Variants in CPNE4 observed in about 807,000 individuals in gnomAD.
CPNE4 encodes copine-4.
Under a neutral mutation model 67.9 loss-of-function variants are expected in CPNE4, and 25 were observed. The observed-to-expected ratio is 0.37, with a 90% confidence interval of 0.27 to 0.51. The LOEUF is 0.51. Among genes scored for constraint, CPNE4 ranks in the 20% least tolerant of loss-of-function variants. The pLI is 0.93. For missense variants in CPNE4, 464 were observed against 690.8 expected (o/e 0.67, Z 3.68); for synonymous variants, 242 against 244.9 (o/e 0.99, Z 0.11).
rs149583179 is a variant in CPNE4, at chr3:131,961,236, A to G, written c.-1-55792T>C. 4.9e-3 allele frequency among the ~76,000 whole-genome samples: 747 copies of G among 152,304 alleles called. 3 individuals carry two copies. The highest frequency in any genetic ancestry group is 0.017 in the African/African-American group (724 of 41,556). ...CTCATAGAATGAGTTTTTTTCCTTA[A>G]GAAATCATTTCCTTAAATGTTTCCT... is the stretch of plus-strand genomic sequence containing the variant. On this transcript the variant is annotated intron_variant, in intron 1 of 15. Transcript: ENST00000429747.
intron 2 of CPNE4, among the ~76,000 whole-genome samples, chr3:131,739,884 G>A (rs79102246): frequency 0.017 from 2,608 of 152,228 alleles, 62 homozygotes; most frequent in East Asian, 0.07. Context: ...TTTATTTGTT[G>A]TATTTTGTTT....
intron 1 of CPNE4, among the ~76,000 whole-genome samples, chr3:131,907,200 G>A (rs922629081): frequency 5.9e-5 from 9 of 152,236 alleles, no homozygotes; most frequent in African/African-American, 1.4e-4. Context: ...CTCTGAAGAC[G>A]ACTGAACGTA....
intron 7 of CPNE4, among the ~76,000 whole-genome samples, chr3:131,633,899 G>C (rs1177170324): frequency 6.6e-6 from 1 of 152,088 alleles, no homozygotes; most frequent in African/African-American, 2.4e-5. Flanking sequence ...TGTAAAGGCT[G>C]AAGAGGATTA....
chr3:131,679,320 CT>C (rs1308569346), intron 6 of CPNE4, among the ~76,000 whole-genome samples: 1 of 151,694 alleles, frequency 6.6e-6, no homozygotes, highest in Non-Finnish European at 1.5e-5. Flanking sequence ...AATCTTCTCC[CT>C]TTTCTTCTTT....
chr3:131,806,563 A>G (rs576157957), intron 2 of CPNE4, among the ~76,000 whole-genome samples: 1 of 152,116 alleles, frequency 6.6e-6, no homozygotes, highest in Admixed American at 6.5e-5. Context: ...AAAAAAAAAA[A>G]AAAAAAGAAA....
chr3:131,924,575 C>T (rs1398176761), intron 1 of CPNE4, among the ~76,000 whole-genome samples: 2 of 152,024 alleles, frequency 1.3e-5, no homozygotes, highest in African/African-American at 2.4e-5. Context: ...CTCAGATATT[C>T]TAATTTAAAT....
chr3:131,954,760 C>T (rs1320161698), intron 1 of CPNE4, among the ~76,000 whole-genome samples: 5 of 152,000 alleles, frequency 3.3e-5, no homozygotes, highest in Non-Finnish European at 7.4e-5. Flanking sequence ...GTTTTCTGTC[C>T]TTGTGATAGT....
At position 131,856,717 on chromosome 3, in the gene CPNE4, A is replaced by T. The variant is rs187261041; in HGVS notation, c.180+48547T>A. Among the ~76,000 whole-genome samples the T allele has an allele frequency of 5.4e-3, 825 of 152,114 alleles. 3 individuals are homozygous for T. The highest frequency in any genetic ancestry group is 9.2e-3 in the Non-Finnish European group (626 of 67,910). On this transcript the variant is annotated intron_variant, in intron 2 of 15. Transcript: ENST00000429747. Reference sequence around the variant, plus strand: ...TGATCCTTCCTGGCTAACAATAAAAATTATTAATATTTATTGAATGCTTAC... The same window carrying T: ...TGATCCTTCCTGGCTAACAATAAAATTTATTAATATTTATTGAATGCTTAC...
intron 2 of CPNE4, among the ~76,000 whole-genome samples, chr3:131,894,513 C>G (rs767082240): frequency 2.0e-5 from 3 of 151,566 alleles, no homozygotes; most frequent in Non-Finnish European, 4.4e-5. Flanking sequence ...ATATAAGGAA[C>G]TTAACATTAA....
intron 1 of CPNE4, among the ~76,000 whole-genome samples, chr3:132,020,493 G>A (rs2073970604): frequency 1.3e-5 from 2 of 152,168 alleles, no homozygotes; most frequent in African/African-American, 4.8e-5. Flanking sequence ...GGGGACTGTG[G>A]GAACTCCAGT....
rs1935041768 is a variant in CPNE4, at chr3:131,534,761, T to C, written c.*434A>G. 1 of 153,274 alleles carries C rather than the reference T, an allele frequency of 6.5e-6. No individual in the cohort carries two copies. Among genetic ancestry groups the C allele is most frequent in the Non-Finnish European group, 1.5e-5 (1 of 68,618 alleles). 9.5% of individuals were successfully genotyped at this position (153,274 alleles called of 1,614,324 possible). A position where few individuals can be genotyped will look rare whatever the true frequency, so the allele number is the denominator to read the frequency against. On this transcript the variant is annotated 3_prime_UTR_variant, in exon 16 of 16. Transcript: ENST00000429747. ...TTTTAAACATGCAAAATACAGTCCA[T>C]GCATCTGCCATTTTAAAAAGTCTCT...
rs1936944148 is a variant in CPNE4, at chr3:131,564,291, T to C, written c.986A>G (p.Tyr329Cys). Residue 329 changes from tyrosine (Y) to cysteine (C), a missense_variant, in exon 11 of 16, where the codon TAC (tyrosine) becomes TGC (cysteine). Physicochemically the swap from Tyr to Cys is radical, Grantham distance 194 (BLOSUM62 -2). Around this residue, in one of 6 missense-constraint regions of CPNE4, gnomAD observed 201 missense variants for 357.7 expected, o/e 0.56. Transcript: ENST00000429747. ...CTCATTGGGTTGGTAAGGGTGGATGTAGTGCAAGGAACAGCTGTTCCTGGG... is the reference window on the plus strand; with the variant it reads ...CTCATTGGGTTGGTAAGGGTGGATGCAGTGCAAGGAACAGCTGTTCCTGGG... Reference protein sequence around the residue: ...GDPRNSCSLHYIHPYQPNEYL... With the variant: ...GDPRNSCSLHCIHPYQPNEYL... The C allele has an allele frequency of 6.2e-7, 1 of 1,612,784 alleles. No individual in the cohort carries two copies. Among genetic ancestry groups the C allele is most frequent in the African/African-American group, 1.3e-5 (1 of 74,788 alleles).
At chr3:131,719,752 C>T (rs1297648207) in intron 3 of CPNE4, among the ~76,000 whole-genome samples, 1 of 152,188 alleles carries the variant, frequency 6.6e-6, no homozygotes, top group Admixed American at 6.5e-5. Context: ...CTGACCTCCC[C>T]TAAGGGTCAC....
At chr3:131,709,868 C>T (rs1181009010) in intron 3 of CPNE4, among the ~76,000 whole-genome samples, 1 of 152,250 alleles carries the variant, frequency 6.6e-6, no homozygotes, top group Non-Finnish European at 1.5e-5. Flanking sequence ...CTCATGCCCA[C>T]ACTTTTACAT....
At chr3:131,961,243 A>G (rs1049038949) in intron 1 of CPNE4, among the ~76,000 whole-genome samples, 7 of 151,244 alleles carry the variant, frequency 4.6e-5, no homozygotes, top group African/African-American at 1.7e-4. Context: ...TTAAGAAATC[A>G]TTTCCTTAAA....
In CPNE4 at chr3:131,564,351, T is replaced by C; in HGVS notation, c.928-2A>G. On this transcript the variant is annotated splice_acceptor_variant, in intron 10 of 15. Coordinates refer to ENST00000429747, the MANE Select transcript of CPNE4 (RefSeq NM_130808.3). LOFTEE classifies it high-confidence loss of function. ...TGAGGCAGTGAAATCTATAGCTACC[T>C]AAAAGAGAAAAATACAAGAAAAGGT... The C allele has an allele frequency of 6.2e-7, 1 of 1,607,596 alleles. No homozygotes were observed. Among genetic ancestry groups the C allele is most frequent in the Non-Finnish European group, 8.5e-7 (1 of 1,177,558 alleles).
In CPNE4 at chr3:132,029,569, C is replaced by A; in HGVS notation, c.-2+4998G>T. Among the ~76,000 whole-genome samples the A allele has an allele frequency of 1.3e-5, 2 of 152,124 alleles. 1 individual carries two copies. ...TTGCCCTGCCGTGGACCCCTGCCAG[C>A]CTGATTTTGCTCCTCCCCTACCTCA... is the stretch of plus-strand genomic sequence containing the variant. On this transcript the variant is annotated intron_variant, in intron 1 of 15. Coordinates refer to ENST00000429747, the MANE Select transcript of CPNE4 (RefSeq NM_130808.3).
intron 1 of CPNE4, among the ~76,000 whole-genome samples, chr3:132,018,656 CA>C (rs1560794106): frequency 1.3e-5 from 2 of 152,100 alleles, no homozygotes; most frequent in African/African-American, 4.8e-5. Context: ...ACATTTCCAC[CA>C]CCATCACAAC....
chr3:131,886,480 A>C (rs1020330438), intron 2 of CPNE4, among the ~76,000 whole-genome samples: 1 of 152,244 alleles, frequency 6.6e-6, no homozygotes, highest in Non-Finnish European at 1.5e-5. Flanking sequence ...GCCCCCACAC[A>C]GAGTCCCTAC....
Sources: gnomAD v4.1 joint callset for allele counts (sites outside exome capture counted in the v4.1 genomes callset) on GRCh38, gnomAD v4.1.1 for gene constraint, gnomAD v4.1.1 regional missense constraint, MANE v1.5 for transcripts, NCBI Gene and HGNC (gene_info 2026-07-23, HGNC 2026-07-21) for gene names.